The following ATP8A1 variants were observed in gnomAD, a reference collection of about 807,000 sequenced individuals.
ATP8A1 encodes phospholipid-transporting ATPase IA.
A neutral mutation model predicts 177.7 loss-of-function variants in ATP8A1; 90 were observed. The observed-to-expected ratio is 0.51, with a 90% CI of 0.43 to 0.60. The LOEUF (loss-of-function observed/expected upper bound fraction) is 0.60, where lower values mean the gene tolerates loss of function less well. ATP8A1 is among the 20% of genes least tolerant of loss of function. The probability of loss-of-function intolerance (pLI) is 0.00; values close to 1 mark genes in which losing one functional copy is unlikely to be tolerated. For synonymous variants in ATP8A1, 493 were observed against 485.9 expected, an observed-to-expected ratio of 1.01 and a Z score of -0.19; for missense variants, 1,072 against 1,392.8, an observed-to-expected ratio of 0.77 and a Z score of 3.67.
intron 33 of ATP8A1, among the ~76,000 whole-genome samples, chr4:42,442,890 C>T (rs769287754): frequency 1.4e-4 from 21 of 152,202 alleles, no homozygotes; most frequent in Non-Finnish European, 2.9e-4. Flanking sequence ...TACTTTTATA[C>T]ATTTTATGTC....
chr4:42,607,626 C>A (rs990305120), intron 5 of ATP8A1, among the ~76,000 whole-genome samples: 1 of 106,068 alleles, frequency 9.4e-6, no homozygotes, highest in African/African-American at 3.2e-5. Flanking sequence ...TATTCTGATT[C>A]TACAGGTTTT....
chr4:42,535,811 A>T (rs1727765879), intron 20 of ATP8A1, among the ~76,000 whole-genome samples: 1 of 152,234 alleles, frequency 6.6e-6, no homozygotes, highest in African/African-American at 2.4e-5. Context: ...TCCAAAAGGA[A>T]ACTTCAAAAC....
chr4:42,552,100 A>AATTGG (rs1455356094), intron 17 of ATP8A1, among the ~76,000 whole-genome samples: 10 of 152,288 alleles, frequency 6.6e-5, no homozygotes, highest in African/African-American at 2.4e-4. Flanking sequence ...AGGAAGGCAA[A>AATTGG]ATTGGTGTTC....
chr4:42,483,264 T>A lies in ATP8A1; in HGVS notation c.2324+2232A>T, dbSNP rs116726647. 5.8e-3 allele frequency among the ~76,000 whole-genome samples: 887 copies of A among 151,760 alleles called. 8 individuals carry two copies. The highest frequency in any genetic ancestry group is 0.02 in the African/African-American group (833 of 41,376). ...TCCGGCAGTGGCACTGATGTAATTA[T>A]GGGCTTAGACCAATTCTCAAACATG... On this transcript the variant is annotated intron_variant, in intron 25 of 36. Coordinates refer to ENST00000381668, the MANE Select transcript of ATP8A1 (RefSeq NM_006095.2).
chr4:42,526,647 G>A (rs1346216735), intron 20 of ATP8A1, among the ~76,000 whole-genome samples: 1 of 152,164 alleles, frequency 6.6e-6, no homozygotes, highest in Admixed American at 6.5e-5. Context: ...TCCTCAGCCT[G>A]CAGGTCCCAT....
intron 4 of ATP8A1, among the ~76,000 whole-genome samples, chr4:42,617,670 C>T (rs1202672721): frequency 6.6e-6 from 1 of 152,140 alleles, no homozygotes; most frequent in Non-Finnish European, 1.5e-5. Context: ...GGTTAGATTT[C>T]CAACTAAAGG....
intron 1 of ATP8A1, among the ~76,000 whole-genome samples, chr4:42,636,513 C>G (rs1306408396): frequency 6.6e-6 from 1 of 152,096 alleles, no homozygotes; most frequent in Non-Finnish European, 1.5e-5. Flanking sequence ...AAATATGGCA[C>G]TGAAGAAATC....
At chr4:42,555,710 C>T in intron 16 of ATP8A1, among the ~76,000 whole-genome samples, 1 of 152,092 alleles carries the variant, frequency 6.6e-6, no homozygotes, top group Non-Finnish European at 1.5e-5. Flanking sequence ...GTAATCCCAG[C>T]TACTGGGGAG....
At position 42,625,874 on chromosome 4, in the gene ATP8A1, A is replaced by C. The variant is rs571230817; in HGVS notation, c.165-161T>G. Reference sequence around the variant, plus strand: ...AGGGTCATTAACCTAAATGAAAAAGAGTGAAAAGGTTAAATAAATGGTAAA... The same window carrying C: ...AGGGTCATTAACCTAAATGAAAAAGCGTGAAAAGGTTAAATAAATGGTAAA... On this transcript the variant is annotated intron_variant, in intron 2 of 36. Transcript: ENST00000381668. 58 of 433,984 alleles carry C rather than the reference A, an allele frequency of 1.3e-4. No individual in the cohort carries two copies. In the South Asian group the frequency reaches 3.4e-3, roughly 25 times the overall value. The allele number at this position is 433,984 out of a possible 1,614,324, so 26.9% of individuals were successfully genotyped here.
intron 27 of ATP8A1, among the ~76,000 whole-genome samples, chr4:42,462,871 A>G (rs1719326590): frequency 6.6e-6 from 1 of 152,182 alleles, no homozygotes; most frequent in South Asian, 2.1e-4. Flanking sequence ...TGGATGTGAG[A>G]CGTGGAGTCA....
At position 42,598,007 on chromosome 4, in the gene ATP8A1, C is replaced by T. The variant is rs74673844; in HGVS notation, c.450+2471G>A. Among the ~76,000 whole-genome samples, 1,468 of 152,162 alleles carry T rather than the reference C, an allele frequency of 9.6e-3. 13 individuals carry two copies. Among genetic ancestry groups the T allele is most frequent in the Non-Finnish European group, 0.015 (1,036 of 67,956 alleles). On this transcript the variant is annotated intron_variant, in intron 6 of 36. Transcript: ENST00000381668. ...ATAACAATGATCTTAATCATTTGTC[C>T]TATTTGGTGCAAATATTTCACATAG...
Position 42,590,867 on chromosome 4 carries a change from T to C in ATP8A1, c.468A>G (p.Ile156Met), listed in dbSNP as rs1460409969. The C allele has an allele frequency of 3.1e-6, 5 of 1,611,906 alleles. No homozygotes were observed. Among genetic ancestry groups the C allele is most frequent in the Non-Finnish European group, 4.2e-6 (5 of 1,179,682 alleles). Residue 156 changes from isoleucine (I) to methionine (M), a missense_variant, in exon 7 of 37, where the codon ATA (isoleucine) becomes ATG (methionine). Coordinates refer to ENST00000381668, the MANE Select transcript of ATP8A1 (RefSeq NM_006095.2). ...VHWEKVAVGE[I>M]VKVTNGEHLP... ...GATGTTCCCCATTGGTCACTTTCAC[T>C]ATCTCCCCTACTGCCACCTACACGT...
At chr4:42,653,132 G>A (rs1228254483) in intron 1 of ATP8A1, among the ~76,000 whole-genome samples, 1 of 152,010 alleles carries the variant, frequency 6.6e-6, no homozygotes, top group African/African-American at 2.4e-5. Flanking sequence ...CTCCTGCCTT[G>A]GGGCATTTGC....
chr4:42,566,381 A>G (rs1388231767), intron 15 of ATP8A1, among the ~76,000 whole-genome samples: 1 of 152,176 alleles, frequency 6.6e-6, no homozygotes, highest in African/African-American at 2.4e-5. Flanking sequence ...AGAGTCATCT[A>G]TACTCTTTAC....
chr4:42,436,202 C>G (rs1715976727), intron 33 of ATP8A1, among the ~76,000 whole-genome samples: 1 of 152,132 alleles, frequency 6.6e-6, no homozygotes, highest in South Asian at 2.1e-4. Flanking sequence ...TGGCCTCTCT[C>G]TCGTTTATGA....
intron 22 of ATP8A1, among the ~76,000 whole-genome samples, chr4:42,507,780 TAAAA>T: frequency 4.9e-3 from 86 of 17,678 alleles, no homozygotes; most frequent in African/African-American, 0.015. Flanking sequence ...ACAGGCATTC[TAAAA>T]AAAAAAAAAA....
intron 1 of ATP8A1, among the ~76,000 whole-genome samples, chr4:42,653,118 T>C (rs565655085): frequency 1.1e-4 from 17 of 152,168 alleles, no homozygotes; most frequent in African/African-American, 3.9e-4. Context: ...TAATTCCCGA[T>C]TCTCTCCTGC....
intron 29 of ATP8A1, among the ~76,000 whole-genome samples, chr4:42,453,618 T>C (rs1277702080): frequency 6.6e-6 from 1 of 152,216 alleles, no homozygotes; most frequent in Non-Finnish European, 1.5e-5. Context: ...CAAGTTGCCA[T>C]GTACAGAAGA....
chr4:42,530,012 T>C (rs1727102866), intron 20 of ATP8A1, among the ~76,000 whole-genome samples: 1 of 152,128 alleles, frequency 6.6e-6, no homozygotes, highest in Admixed American at 6.5e-5. Flanking sequence ...CGTGAAGATA[T>C]TTGTATCCCA....
Sources: allele counts gnomAD v4.1 joint callset (sites outside exome capture counted in the v4.1 genomes callset), GRCh38; gene constraint gnomAD v4.1.1; transcripts MANE v1.5; gene names NCBI Gene and HGNC (gene_info 2026-07-23, HGNC 2026-07-21).